CSMD1: variants seen among roughly 807,000 people sequenced by gnomAD.
The protein encoded by CSMD1 is CUB and sushi domain-containing protein 1.
In CSMD1, 213 loss-of-function variants were observed where a neutral mutation model predicts 417.5. The observed-to-expected ratio is 0.51, with a 90% confidence interval of 0.46 to 0.57. The LOEUF (loss-of-function observed/expected upper bound fraction) is 0.57. Ranked by LOEUF, CSMD1 falls within the 20% of genes least tolerant of loss-of-function variation. The probability of loss-of-function intolerance (pLI) is 0.00; values close to 1 mark genes in which losing one functional copy is unlikely to be tolerated. For synonymous variants in CSMD1, 2,862 were observed against 1,736.8 expected (o/e 1.65, Z -16.11); for missense variants, 6,923 against 4,529.7 (o/e 1.53, Z -15.17).
At position 3,772,073 on chromosome 8, in the gene CSMD1, C is replaced by T. The variant is rs929233636; in HGVS notation, c.819-18031G>A. 2.0e-5 allele frequency among the ~76,000 whole-genome samples: 3 copies of T among 151,232 alleles called. No individual in the cohort carries two copies. The East Asian group carries it at 5.9e-4, about 30-fold the overall frequency. On this transcript the variant is annotated intron_variant, in intron 5 of 69. Transcript: ENST00000635120. ...GCATCTGAGTCTGCCATTATGCTAC[C>T]AATCCAGGCGGTTGATATTAGGGTG...
chr8:4,222,382 A>G (rs201746834), intron 3 of CSMD1, among the ~76,000 whole-genome samples: 6 of 574 alleles, frequency 0.01, no homozygotes, highest in African/African-American at 0.032. Flanking sequence ...AGAAGCTTCC[A>G]TCTTATTCTG....
chr8:4,955,337 G>T (rs7463075), intron 1 of CSMD1, among the ~76,000 whole-genome samples: 125,687 of 152,142 alleles, frequency 0.83, 52,046 homozygotes, highest in Admixed American at 0.87. Flanking sequence ...ACAGAAAACA[G>T]TACTTCCCAT....
At chr8:4,046,350 A>C (rs1396303201) in intron 3 of CSMD1, among the ~76,000 whole-genome samples, 1 of 152,166 alleles carries the variant, frequency 6.6e-6, no homozygotes, top group Non-Finnish European at 1.5e-5. Context: ...ACTCAATGTT[A>C]TCATTATAAA....
intron 23 of CSMD1, among the ~76,000 whole-genome samples, chr8:3,309,707 A>G (rs1339738562): frequency 1.3e-5 from 2 of 152,182 alleles, no homozygotes; most frequent in Non-Finnish European, 2.9e-5. Context: ...TTTTCTCAAA[A>G]AGAAATTAAA....
At chr8:3,100,485 C>T (rs565611821) in intron 46 of CSMD1, among the ~76,000 whole-genome samples, 3 of 152,212 alleles carry the variant, frequency 2.0e-5, no homozygotes, top group Non-Finnish European at 2.9e-5. Context: ...GACCGCAGTG[C>T]GGTCCTATAG....
chr8:4,098,345 A>G (rs946932031), intron 3 of CSMD1, among the ~76,000 whole-genome samples: 2 of 152,236 alleles, frequency 1.3e-5, no homozygotes, highest in Non-Finnish European at 2.9e-5. Context: ...GCGTATCATA[A>G]TAGTGTTGAT....
At chr8:3,504,477 T>C (rs373133433) in intron 10 of CSMD1, among the ~76,000 whole-genome samples, 1 of 152,204 alleles carries the variant, frequency 6.6e-6, no homozygotes, top group South Asian at 2.1e-4. Flanking sequence ...ACTTGATCAA[T>C]GGCAGTTGTG....
chr8:3,977,487 T>G (rs1813526476), intron 5 of CSMD1, among the ~76,000 whole-genome samples: 2 of 152,146 alleles, frequency 1.3e-5, no homozygotes, highest in African/African-American at 4.8e-5. Flanking sequence ...AAAAAAAAAT[T>G]AAGGAAAACT....
chr8:4,005,233 G>A (rs965961070), intron 4 of CSMD1, among the ~76,000 whole-genome samples: 2 of 152,026 alleles, frequency 1.3e-5, no homozygotes, highest in Non-Finnish European at 2.9e-5. Context: ...AATCACCACT[G>A]AAGAACTTAC....
chr8:3,894,513 TA>T (rs998328069), intron 5 of CSMD1, among the ~76,000 whole-genome samples: 3 of 151,292 alleles, frequency 2.0e-5, no homozygotes, highest in South Asian at 4.2e-4. Context: ...TTTGCCAAAT[TA>T]AAAAAAAATA....
rs370719943 is a variant in CSMD1, at chr8:4,647,390, C to T, written c.86-9832G>A. On this transcript the variant is annotated intron_variant, in intron 1 of 69. Transcript: ENST00000635120. ...CTGCTACGTAGGTACGCGTGTGCCA[C>T]GGAGGTCTGTTAGGTAGGTACGCGT... Among the ~76,000 whole-genome samples the T allele has an allele frequency of 2.8e-3, 405 of 145,584 alleles. 2 individuals carry two copies. Among genetic ancestry groups the T allele is most frequent in the African/African-American group, 0.01 (395 of 39,140 alleles).
At chr8:3,019,973 C>T (rs1033297432) in intron 51 of CSMD1, among the ~76,000 whole-genome samples, 2 of 152,234 alleles carry the variant, frequency 1.3e-5, no homozygotes, top group African/African-American at 2.4e-5. Context: ...CACTGATGTG[C>T]AGGGTGCTTC....
intron 2 of CSMD1, among the ~76,000 whole-genome samples, chr8:4,602,369 G>A (rs1281186268): frequency 2.6e-5 from 4 of 152,138 alleles, no homozygotes; most frequent in Non-Finnish European, 5.9e-5. Flanking sequence ...AGCTTCTACT[G>A]CCAGGAGAGA....
intron 10 of CSMD1, among the ~76,000 whole-genome samples, chr8:3,498,104 T>C (rs959403957): frequency 6.6e-6 from 1 of 152,234 alleles, no homozygotes; most frequent in Non-Finnish European, 1.5e-5. Flanking sequence ...CTTTTTTCTT[T>C]CAGCATTTTC....
intron 2 of CSMD1, among the ~76,000 whole-genome samples, chr8:4,557,880 A>G (rs1020830413): frequency 6.6e-6 from 1 of 152,174 alleles, no homozygotes; most frequent in Non-Finnish European, 1.5e-5. Flanking sequence ...TGGGAGTCGG[A>G]CAGTGTAAAG....
intron 52 of CSMD1, among the ~76,000 whole-genome samples, chr8:3,004,715 T>A (rs1807723944): frequency 1.3e-5 from 2 of 152,316 alleles, no homozygotes; most frequent in South Asian, 4.1e-4. Flanking sequence ...TGAGAACAGG[T>A]ATGACTGTGG....
chr8:4,674,623 C>A (rs565405752), intron 1 of CSMD1, among the ~76,000 whole-genome samples: 3 of 152,190 alleles, frequency 2.0e-5, no homozygotes, highest in South Asian at 4.1e-4. Flanking sequence ...ACCAAGGAGA[C>A]AAATAATAGT....
At chr8:4,202,719 C>G (rs879807755) in intron 3 of CSMD1, among the ~76,000 whole-genome samples, 6 of 152,102 alleles carry the variant, frequency 3.9e-5, no homozygotes, top group Non-Finnish European at 8.8e-5. Context: ...AACAAGTACT[C>G]AAATATTTAC....
At chr8:4,194,185 GTCATACCTGACAC>G (rs1799199127) in intron 3 of CSMD1, among the ~76,000 whole-genome samples, 1 of 152,100 alleles carries the variant, frequency 6.6e-6, no homozygotes, top group South Asian at 2.1e-4. Context: ...GTCTGTACAT[GTCATACCTGACAC>G]TACTAAATTT....
Sources: gnomAD v4.1 joint callset for allele counts (sites outside exome capture counted in the v4.1 genomes callset) on GRCh38, gnomAD v4.1.1 for gene constraint, MANE v1.5 for transcripts, NCBI Gene and HGNC (gene_info 2026-07-23, HGNC 2026-07-21) for gene names.